The following EBF2 variants were observed in gnomAD, a reference collection of about 807,000 sequenced individuals.
EBF2 encodes transcription factor COE2.
In EBF2, 21 loss-of-function variants were observed where a neutral mutation model predicts 72.8. The ratio of observed to expected loss-of-function variants is 0.29; its 90% CI spans 0.20 to 0.42. The LOEUF is 0.42. Ranked by LOEUF, EBF2 falls within the 10% of genes least tolerant of loss-of-function variation. The pLI is 1.00. For synonymous variants in EBF2, 299 were observed against 274.2 expected (o/e 1.09, Z -0.89); for missense variants, 637 against 731.2 (o/e 0.87, Z 1.49).
At position 25,904,235 on chromosome 8, in the gene EBF2, C is replaced by CAA. The variant is rs35930162; in HGVS notation, c.633+4237_633+4238dup. On this transcript the variant is annotated intron_variant, in intron 7 of 15. Transcript: ENST00000520164. Reference sequence around the variant, plus strand: ...ACCAGATTCTTAAAGGGGTCTGGGCCAAAAAAAAAAAAAAAAGGTTAAAAA... The same window carrying CAA: ...ACCAGATTCTTAAAGGGGTCTGGGCCAAAAAAAAAAAAAAAAAAGGTTAAAAA... Among the ~76,000 whole-genome samples, 196 of 121,814 alleles carry CAA rather than the reference C, an allele frequency of 1.6e-3. 5 individuals carry two copies. The highest frequency in any genetic ancestry group is 4.3e-3 in the African/African-American group (145 of 33,506). 79.9% of individuals were successfully genotyped at this position (121,814 alleles called of 152,430 possible).
At chr8:25,858,292 G>A in intron 14 of EBF2, 27 bp downstream of exon 14, 1 of 1,612,818 alleles carries the variant, frequency 6.2e-7, no homozygotes, top group South Asian at 1.1e-5. Context: ...AAAGCATGGA[G>A]AGCCAAGTGA....
At chr8:25,916,401 G>C (rs1803216850) in intron 6 of EBF2, among the ~76,000 whole-genome samples, 1 of 151,946 alleles carries the variant, frequency 6.6e-6, no homozygotes, top group Non-Finnish European at 1.5e-5. Flanking sequence ...TTGGGTAAAT[G>C]CCTGGTACAA....
At chr8:25,905,705 G>T in intron 7 of EBF2, among the ~76,000 whole-genome samples, 1 of 152,176 alleles carries the variant, frequency 6.6e-6, no homozygotes, top group East Asian at 1.9e-4. Flanking sequence ...GGAGACATGA[G>T]ATTTCTTCTT....
intron 6 of EBF2, among the ~76,000 whole-genome samples, chr8:25,947,578 C>T (rs868855826): frequency 6.6e-6 from 1 of 152,214 alleles, no homozygotes; most frequent in African/African-American, 2.4e-5. Context: ...ATCCATACAC[C>T]TTTGCTTGGC....
intron 6 of EBF2, among the ~76,000 whole-genome samples, chr8:26,007,306 G>GC (rs1373843434): frequency 6.6e-6 from 1 of 152,116 alleles, no homozygotes; most frequent in Non-Finnish European, 1.5e-5. Flanking sequence ...CCTTGAGGGG[G>GC]CCCCTGAACA....
At chr8:25,848,512 T>C (rs1801888369) in intron 15 of EBF2, among the ~76,000 whole-genome samples, 1 of 152,042 alleles carries the variant, frequency 6.6e-6, no homozygotes, top group African/African-American at 2.4e-5. Flanking sequence ...ACGGGAGTCT[T>C]GGGCATGCAG....
rs976181392 is a variant in EBF2 at position 25,910,727 on chromosome 8, TG to T, written c.552-2173del. 1.6e-4 allele frequency among the ~76,000 whole-genome samples: 24 copies of T among 152,210 alleles called. 1 individual carries two copies. Among genetic ancestry groups the T allele is most frequent in the African/African-American group, 5.1e-4 (21 of 41,524 alleles). On this transcript the variant is annotated intron_variant, in intron 6 of 15. Coordinates refer to ENST00000520164, the MANE Select transcript of EBF2 (RefSeq NM_022659.4). ...CACCTAGTTTGACTCTTTGCTTGTC[TG>T]GGGGGCTGAATTTGTAACCTACACA... is the stretch of plus-strand genomic sequence containing the variant.
chr8:26,038,680 C>T (rs1052280507), intron 5 of EBF2, among the ~76,000 whole-genome samples: 3 of 152,218 alleles, frequency 2.0e-5, no homozygotes, highest in African/African-American at 7.2e-5. Flanking sequence ...ATCTATCAAA[C>T]GTCCCTGAGA....
intron 6 of EBF2, among the ~76,000 whole-genome samples, chr8:26,016,686 T>C (rs146354046): frequency 9.2e-4 from 139 of 151,746 alleles, no homozygotes; most frequent in Middle Eastern, 3.5e-3. Context: ...AGTAGAGAGA[T>C]GGGTGGGTAG....
intron 6 of EBF2, among the ~76,000 whole-genome samples, chr8:25,954,990 A>G (rs1456326615): frequency 1.3e-5 from 2 of 152,206 alleles, no homozygotes; most frequent in East Asian, 3.9e-4. Context: ...GCAGCGCGCC[A>G]GGTTGTGCAG....
intron 7 of EBF2, among the ~76,000 whole-genome samples, chr8:25,895,006 T>G (rs934157081): frequency 6.6e-6 from 1 of 152,212 alleles, no homozygotes; most frequent in African/African-American, 2.4e-5. Flanking sequence ...TGTCACTCTA[T>G]TGGCACTGCC....
chr8:25,867,195 G>C (rs1257031868), intron 10 of EBF2, among the ~76,000 whole-genome samples: 1 of 152,178 alleles, frequency 6.6e-6, no homozygotes, highest in African/African-American at 2.4e-5. Flanking sequence ...AACTAGGATT[G>C]TGTGCATGGC....
chr8:25,878,898 G>A (rs1802563972), intron 10 of EBF2, among the ~76,000 whole-genome samples: 1 of 152,094 alleles, frequency 6.6e-6, no homozygotes, highest in African/African-American at 2.4e-5. Context: ...CCAACTATCA[G>A]GCTGGAAATA....
intron 6 of EBF2, among the ~76,000 whole-genome samples, chr8:25,941,458 G>A (rs889354767): frequency 9.2e-5 from 14 of 152,140 alleles, no homozygotes; most frequent in East Asian, 1.9e-4. Context: ...TGCCCACCTC[G>A]GCCTCCCAAA....
intron 7 of EBF2, among the ~76,000 whole-genome samples, chr8:25,907,987 C>CGT (rs1803067029): frequency 6.6e-6 from 1 of 152,158 alleles, no homozygotes; most frequent in African/African-American, 2.4e-5. Context: ...GTCACCGTCC[C>CGT]GTGGGTCTTG....
intron 15 of EBF2, among the ~76,000 whole-genome samples, chr8:25,848,879 TAAAAAGAG>T (rs1801899726): frequency 6.6e-6 from 1 of 151,942 alleles, no homozygotes; most frequent in Non-Finnish European, 1.5e-5. Flanking sequence ...CCAGAGAACT[TAAAAAGAG>T]GAAACATCAA....
chr8:25,909,934 A>C (rs1312359237), intron 6 of EBF2, among the ~76,000 whole-genome samples: 1 of 152,128 alleles, frequency 6.6e-6, no homozygotes, highest in Non-Finnish European at 1.5e-5. Context: ...TGATTTTATA[A>C]CATCTGCTTT....
intron 6 of EBF2, chr8:26,032,437 T>A (rs1252769214): frequency 6.6e-6 from 1 of 152,122 alleles, no homozygotes; most frequent in East Asian, 1.9e-4. Flanking sequence ...ATGGGGTTTC[T>A]TAAAAATTAC....
At chr8:26,040,171 A>G in intron 4 of EBF2, 70 bp from the exon 5 acceptor site, 6 of 1,505,604 alleles carry the variant, frequency 4.0e-6, no homozygotes, top group South Asian at 2.3e-5. Context: ...AAGGGACTTC[A>G]GAACAAGCAC....
Sources: allele counts gnomAD v4.1 joint callset (sites outside exome capture counted in the v4.1 genomes callset), GRCh38; gene constraint gnomAD v4.1.1; transcripts MANE v1.5; gene names NCBI Gene and HGNC (gene_info 2026-07-23, HGNC 2026-07-21).